The following KCNH5 variants were observed in gnomAD, a reference collection of about 807,000 sequenced individuals.
The protein encoded by KCNH5 is potassium voltage-gated channel subfamily H member 5.
A neutral mutation model predicts 96.1 loss-of-function variants in KCNH5; 46 were observed. The ratio of observed to expected loss-of-function variants is 0.48; its 90% confidence interval spans 0.38 to 0.61. KCNH5 has a LOEUF of 0.61. KCNH5 is among the 20% of genes least tolerant of loss of function. The pLI is 0.00. For missense variants in KCNH5, 907 were observed against 1,225.8 expected (o/e 0.74, Z 3.88); for synonymous variants, 439 against 449.8 (o/e 0.98, Z 0.30).
At chr14:62,954,755 C>A (rs1890069596) in intron 6 of KCNH5, among the ~76,000 whole-genome samples, 1 of 152,100 alleles carries the variant, frequency 6.6e-6, no homozygotes, top group African/African-American at 2.4e-5. Flanking sequence ...TTAATGGACT[C>A]ACAGTTCCAC....
intron 7 of KCNH5, among the ~76,000 whole-genome samples, chr14:62,921,019 A>C (rs992415146): frequency 1.4e-4 from 22 of 152,162 alleles, no homozygotes; most frequent in Admixed American, 5.9e-4. Context: ...CATTCCTACC[A>C]ATGCCTATGT....
intron 6 of KCNH5, among the ~76,000 whole-genome samples, chr14:62,951,252 G>A (rs1890000087): frequency 6.6e-6 from 1 of 152,084 alleles, no homozygotes; most frequent in South Asian, 2.1e-4. Context: ...AACAGCAGCC[G>A]GAAAATTCAT....
Position 62,849,765 on chromosome 14 carries a change from T to G in KCNH5, c.1457A>C (p.Asn486Thr). Residue 486 changes from asparagine (N) to threonine (T), a missense_variant, in exon 8 of 11, where the codon AAT (asparagine) becomes ACT (threonine). Coordinates refer to ENST00000322893, the MANE Select transcript of KCNH5 (RefSeq NM_139318.5). ...GAGTTTTAGGAAGTCCCGTACATTA[T>G]TCAGCATCTCATGGTATCGGTTGGT... is the stretch of plus-strand genomic sequence containing the variant. ...ANTNRYHEMLNNVRDFLKLYQ... is the reference protein window; with the variant it reads ...ANTNRYHEMLTNVRDFLKLYQ... The G allele has an allele frequency of 6.2e-7, 1 of 1,613,952 alleles. No individual in the cohort carries two copies. The highest frequency in any genetic ancestry group is 8.5e-7 in the Non-Finnish European group (1 of 1,179,862).
At position 62,881,675 on chromosome 14, in the gene KCNH5, G is replaced by A. The variant is rs540509826; in HGVS notation, c.1370-31823C>T. On this transcript the variant is annotated intron_variant, in intron 7 of 10. Transcript: ENST00000322893. ...TTCATTATCACTATGCACATTACTAGTCATGGGTACCATTTAACAAGCATT... is the reference window on the plus strand; with the variant it reads ...TTCATTATCACTATGCACATTACTAATCATGGGTACCATTTAACAAGCATT... Among the ~76,000 whole-genome samples, 18 of 152,088 alleles carry A rather than the reference G, an allele frequency of 1.2e-4. No homozygotes were observed. In the South Asian group the frequency reaches 2.3e-3, roughly 19 times the overall value.
At chr14:62,907,699 A>G (rs1274937030) in intron 7 of KCNH5, among the ~76,000 whole-genome samples, 1 of 152,186 alleles carries the variant, frequency 6.6e-6, no homozygotes, top group African/African-American at 2.4e-5. Flanking sequence ...ATACCTAGTC[A>G]TTCCGTTTTG....
intron 4 of KCNH5, among the ~76,000 whole-genome samples, chr14:62,996,116 C>CT (rs1890902020): frequency 6.6e-6 from 1 of 152,092 alleles, no homozygotes; most frequent in African/African-American, 2.4e-5. Flanking sequence ...GGTTCCTTTA[C>CT]TTGATTTAAA....
At chr14:62,989,363 A>T (rs1344401202) in intron 4 of KCNH5, among the ~76,000 whole-genome samples, 1 of 152,090 alleles carries the variant, frequency 6.6e-6, no homozygotes, top group Non-Finnish European at 1.5e-5. Context: ...TCCCAGCCTT[A>T]TTAAAATCAA....
chr14:62,782,627 G>A (rs374851607), intron 9 of KCNH5, among the ~76,000 whole-genome samples: 4 of 151,992 alleles, frequency 2.6e-5, no homozygotes, highest in East Asian at 1.9e-4. Context: ...TGGCTAACAC[G>A]GTGAAACACC....
At chr14:62,904,593 G>A (rs900691483) in intron 7 of KCNH5, among the ~76,000 whole-genome samples, 4 of 151,914 alleles carry the variant, frequency 2.6e-5, no homozygotes, top group Non-Finnish European at 5.9e-5. Context: ...ACACACACAC[G>A]CACATACATG....
chr14:62,825,426 T>C (rs970140124), intron 8 of KCNH5, among the ~76,000 whole-genome samples: 1 of 152,078 alleles, frequency 6.6e-6, no homozygotes, highest in Non-Finnish European at 1.5e-5. Context: ...TGACCACTTG[T>C]ATGCCTTCTT....
intron 7 of KCNH5, among the ~76,000 whole-genome samples, chr14:62,918,761 G>A (rs1184101591): frequency 1.3e-5 from 2 of 151,980 alleles, no homozygotes; most frequent in African/African-American, 4.8e-5. Context: ...CTCAAAATAT[G>A]TCAGTAGACT....
chr14:62,982,388 GC>G (rs544299049), intron 5 of KCNH5, among the ~76,000 whole-genome samples: 90 of 152,190 alleles, frequency 5.9e-4, no homozygotes, highest in African/African-American at 2.0e-3. Context: ...CATCAATGAA[GC>G]CAAAGACAAT....
chr14:62,799,720 TATATATAC>T (rs1337522091), intron 9 of KCNH5, among the ~76,000 whole-genome samples: 12 of 114,868 alleles, frequency 1.0e-4, no homozygotes, highest in East Asian at 2.6e-4. Context: ...TATATATATA[TATATATAC>T]ACACACACAC....
intron 6 of KCNH5, among the ~76,000 whole-genome samples, chr14:62,974,135 A>G (rs1353895697): frequency 6.6e-6 from 1 of 152,222 alleles, no homozygotes; most frequent in Admixed American, 6.5e-5. Flanking sequence ...TCCACTTAGC[A>G]GTCATTGTTC....
chr14:62,921,750 C>A (rs975586638), intron 7 of KCNH5, among the ~76,000 whole-genome samples: 1 of 152,068 alleles, frequency 6.6e-6, no homozygotes, highest in Admixed American at 6.6e-5. Context: ...ACTGACCTGG[C>A]TCTTGGGGTT....
intron 10 of KCNH5, among the ~76,000 whole-genome samples, chr14:62,709,454 T>C (rs555328265): frequency 6.6e-6 from 1 of 152,250 alleles, no homozygotes; most frequent in South Asian, 2.1e-4. Context: ...ACAGACTTCA[T>C]TGCAAACTGC....
chr14:62,902,785 T>C (rs1888954078), intron 7 of KCNH5, among the ~76,000 whole-genome samples: 1 of 151,838 alleles, frequency 6.6e-6, no homozygotes, highest in South Asian at 2.1e-4. Flanking sequence ...AATGGCACGA[T>C]CTCGGCTCAC....
At chr14:63,031,469 C>T (rs1891625043) in intron 1 of KCNH5, among the ~76,000 whole-genome samples, 1 of 151,770 alleles carries the variant, frequency 6.6e-6, no homozygotes, top group African/African-American at 2.4e-5. Flanking sequence ...ATAGCAATTC[C>T]AGGAGAAAAA....
intron 10 of KCNH5, among the ~76,000 whole-genome samples, chr14:62,741,282 G>A (rs1885266092): frequency 6.6e-6 from 1 of 152,088 alleles, no homozygotes; most frequent in African/African-American, 2.4e-5. Flanking sequence ...GGCAATACAA[G>A]GGTCTACTTA....
Sources: gnomAD v4.1 joint callset for allele counts (sites outside exome capture counted in the v4.1 genomes callset) on GRCh38, gnomAD v4.1.1 for gene constraint, MANE v1.5 for transcripts, NCBI Gene and HGNC (gene_info 2026-07-23, HGNC 2026-07-21) for gene names.